Variants in TIAM1 observed in about 807,000 individuals in gnomAD.
TIAM1 encodes the protein TIAM Rac1 associated GEF 1.
Under a neutral mutation model 163.5 loss-of-function variants are expected in TIAM1, and 65 were observed. That is an observed-to-expected ratio of 0.40 (90% confidence interval 0.33 to 0.49). The LOEUF (loss-of-function observed/expected upper bound fraction) is 0.49. TIAM1 is among the 20% of genes least tolerant of loss of function. TIAM1 has a pLI of 0.77. For missense variants in TIAM1, 1,789 were observed against 2,044.7 expected (o/e 0.87, Z 2.41); for synonymous variants, 833 against 810.1 (o/e 1.03, Z -0.48).
At chr21:31,374,335 G>A (rs886341028) in intron 2 of TIAM1, among the ~76,000 whole-genome samples, 1 of 152,156 alleles carries the variant, frequency 6.6e-6, no homozygotes, top group African/African-American at 2.4e-5. Flanking sequence ...CAGCATCCAA[G>A]TTTCCTTCCT....
At chr21:31,129,201 T>C (rs1179272586) in intron 25 of TIAM1, among the ~76,000 whole-genome samples, 1 of 152,170 alleles carries the variant, frequency 6.6e-6, no homozygotes. Context: ...AGTCCATTCC[T>C]CCTCTTGAGA....
rs143554307 is a variant in TIAM1, at chr21:31,183,858, C to G, written c.2663-1213G>C. Among the ~76,000 whole-genome samples the G allele has an allele frequency of 1.6e-4, 24 of 151,922 alleles. 1 individual carries two copies. In the East Asian group the frequency reaches 4.3e-3, roughly 27 times the overall value. On this transcript the variant is annotated intron_variant, in intron 14 of 27. Coordinates refer to ENST00000541036, the MANE Select transcript of TIAM1 (RefSeq NM_001353694.2). ...TACAGGCACTCACCACCACGCCCAG[C>G]TATTTTTTGTATTTTCAGTAGGGAC...
chr21:31,379,296 G>A (rs544122767), intron 2 of TIAM1, among the ~76,000 whole-genome samples: 3 of 152,276 alleles, frequency 2.0e-5, no homozygotes, highest in Non-Finnish European at 4.4e-5. Context: ...TAAGGAACTT[G>A]AGCAGCCATG....
chr21:31,144,708 A>C (rs1353366000), intron 20 of TIAM1, among the ~76,000 whole-genome samples: 1 of 151,800 alleles, frequency 6.6e-6, no homozygotes. Context: ...GTGCACCTGT[A>C]ATCCCAGCTA....
At chr21:31,554,562 GGGCCCT>G (rs535709212) in intron 1 of TIAM1, among the ~76,000 whole-genome samples, 1 of 152,194 alleles carries the variant, frequency 6.6e-6, no homozygotes, top group Non-Finnish European at 1.5e-5. Flanking sequence ...AAGCCTCAAA[GGGCCCT>G]GGGCCCATTC....
Position 31,479,455 on chromosome 21 carries a change from A to AGATG in TIAM1, c.-421-15424_-421-15421dup, listed in dbSNP as rs948957150. Reference sequence around the variant, plus strand: ...CGGATGAATGGAAGGATGGATGGATAGATGGATGGATGGATGGATGGAAGG... The same window carrying AGATG: ...CGGATGAATGGAAGGATGGATGGATAGATGGATGGATGGATGGATGGATGGAAGG... On this transcript the variant is annotated intron_variant, in intron 1 of 28. Transcript: ENST00000286827. 2.4e-3 allele frequency among the ~76,000 whole-genome samples: 166 copies of AGATG among 68,030 alleles called. 2 individuals carry two copies. The highest frequency in any genetic ancestry group is 7.6e-3 in the African/African-American group (147 of 19,254). 44.6% of individuals were successfully genotyped at this position (68,030 alleles called of 152,430 possible).
intron 2 of TIAM1, among the ~76,000 whole-genome samples, chr21:31,351,533 G>C (rs2076234132): frequency 6.6e-6 from 1 of 152,128 alleles, no homozygotes; most frequent in South Asian, 2.1e-4. Flanking sequence ...TCTTGGCTAA[G>C]CTCCAGACAA....
chr21:31,309,736 A>G (rs1425773980), intron 2 of TIAM1, among the ~76,000 whole-genome samples: 1 of 152,230 alleles, frequency 6.6e-6, no homozygotes, highest in Admixed American at 6.5e-5. Context: ...CTCTGAAGTC[A>G]GCATAGATCC....
chr21:31,347,736 ACGGACGTT>A (rs2076170902), upstream of TIAM1, among the ~76,000 whole-genome samples: 2 of 152,194 alleles, frequency 1.3e-5, no homozygotes, highest in African/African-American at 2.4e-5. Context: ...AGATGCATGC[ACGGACGTT>A]CAGAGAAACT....
At chr21:31,359,684 G>C (rs2076371892) in intron 2 of TIAM1, among the ~76,000 whole-genome samples, 1 of 151,920 alleles carries the variant, frequency 6.6e-6, no homozygotes, top group Non-Finnish European at 1.5e-5. Context: ...AGCTATTCAG[G>C]AGGCTGAGGC....
intron 2 of TIAM1, among the ~76,000 whole-genome samples, chr21:31,295,073 C>T (rs1344142147): frequency 6.6e-6 from 1 of 152,204 alleles, no homozygotes; most frequent in Non-Finnish European, 1.5e-5. Context: ...CAATTCAACT[C>T]AACCCCATTC....
intron 15 of TIAM1, among the ~76,000 whole-genome samples, chr21:31,179,333 G>A (rs2084908045): frequency 6.6e-6 from 1 of 151,780 alleles, no homozygotes; most frequent in African/African-American, 2.4e-5. Context: ...GTTGCAGTGA[G>A]CCAAGATGGC....
At chr21:31,136,190 C>A in intron 22 of TIAM1, 149 bp from the exon 23 acceptor site, 1 of 646,320 alleles carries the variant, frequency 1.5e-6, no homozygotes. Flanking sequence ...TGAGATAATG[C>A]TAAGTTAAAC....
chr21:31,410,688 G>C (rs1369926707), intron 2 of TIAM1, among the ~76,000 whole-genome samples: 1 of 146,180 alleles, frequency 6.8e-6, no homozygotes, highest in Non-Finnish European at 1.5e-5. Context: ...GGGCGTGAGA[G>C]TGTGTGTGAG....
At chr21:31,279,247 A>T (rs1414963226) in intron 2 of TIAM1, among the ~76,000 whole-genome samples, 1 of 152,204 alleles carries the variant, frequency 6.6e-6, no homozygotes, top group African/African-American at 2.4e-5. Context: ...CGTGGGGAAA[A>T]AATTTGCCTA....
intron 2 of TIAM1, among the ~76,000 whole-genome samples, chr21:31,415,271 G>C (rs904321579): frequency 3.9e-5 from 6 of 152,222 alleles, no homozygotes; most frequent in African/African-American, 1.4e-4. Context: ...AATGTTATTG[G>C]TTATCTTATT....
intron 26 of TIAM1, among the ~76,000 whole-genome samples, chr21:31,125,324 T>C (rs1279452263): frequency 6.6e-6 from 1 of 151,868 alleles, no homozygotes. Flanking sequence ...CTATTAACAA[T>C]AAATACGGCA....
chr21:31,259,919 T>A (rs1408558829), intron 4 of TIAM1, among the ~76,000 whole-genome samples: 1 of 151,460 alleles, frequency 6.6e-6, no homozygotes, highest in Non-Finnish European at 1.5e-5. Flanking sequence ...CTGTCCCACA[T>A]CTTTTATTTT....
chr21:31,430,822 T>C (rs1301606748), intron 2 of TIAM1, among the ~76,000 whole-genome samples: 1 of 152,202 alleles, frequency 6.6e-6, no homozygotes, highest in Non-Finnish European at 1.5e-5. Context: ...GTAATTTTTC[T>C]AATTTAAAAA....
Sources: gnomAD v4.1 joint callset for allele counts (sites outside exome capture counted in the v4.1 genomes callset) on GRCh38, gnomAD v4.1.1 for gene constraint, MANE v1.5 for transcripts, NCBI Gene and HGNC (gene_info 2026-07-23, HGNC 2026-07-21) for gene names.